The following ATP10B variants were observed in gnomAD, a reference collection of about 807,000 sequenced individuals.
ATP10B encodes phospholipid-transporting ATPase VB.
In ATP10B, 122 loss-of-function variants were observed where a neutral mutation model predicts 141.2. That is an observed-to-expected ratio of 0.86 (90% CI 0.75 to 1.00). The LOEUF (loss-of-function observed/expected upper bound fraction) is 1.00. Ranked by LOEUF, ATP10B falls within the 50% of genes least tolerant of loss-of-function variation. ATP10B has a pLI of 0.00. For synonymous variants in ATP10B, 685 were observed against 692.0 expected, an observed-to-expected ratio of 0.99 and a Z score of 0.16; for missense variants, 1,876 against 1,825.3, an observed-to-expected ratio of 1.03 and a Z score of -0.51.
intron 24 of ATP10B, among the ~76,000 whole-genome samples, chr5:160,585,261 C>A (rs1273856519): frequency 6.6e-6 from 1 of 152,196 alleles, no homozygotes; most frequent in Non-Finnish European, 1.5e-5. Context: ...GCAGATCCTA[C>A]AAATTGTAGT....
chr5:160,918,168 G>A, the ATP10B span, among the ~76,000 whole-genome samples: 1 of 152,348 alleles, frequency 6.6e-6, no homozygotes, highest in African/African-American at 2.4e-5. Flanking sequence ...CAGACACTAT[G>A]TTAGGTGCTA....
intron 1 of ATP10B, among the ~76,000 whole-genome samples, chr5:160,819,256 C>T (rs1461052165): frequency 1.3e-5 from 2 of 152,082 alleles, no homozygotes; most frequent in African/African-American, 2.4e-5. Context: ...ATCTTACAGG[C>T]CAGGAGAGCA....
chr5:160,901,875 T>A, the ATP10B span, among the ~76,000 whole-genome samples: 1 of 152,222 alleles, frequency 6.6e-6, no homozygotes, highest in Non-Finnish European at 1.5e-5. Context: ...AAGCACCATG[T>A]CTTATAGATG....
At chr5:160,675,879 G>C (rs1255992366) in intron 6 of ATP10B, among the ~76,000 whole-genome samples, 1 of 145,230 alleles carries the variant, frequency 6.9e-6, no homozygotes, top group Non-Finnish European at 1.5e-5. Context: ...GGGTGGGGGA[G>C]GGGGGGCGAC....
intron 18 of ATP10B, among the ~76,000 whole-genome samples, chr5:160,608,332 A>G (rs1382902636): frequency 6.6e-6 from 1 of 152,126 alleles, no homozygotes; most frequent in Non-Finnish European, 1.5e-5. Context: ...TCTATCATTG[A>G]TGGACATTTG....
At chr5:160,675,879 G>A (rs1255992366) in intron 6 of ATP10B, among the ~76,000 whole-genome samples, 1 of 145,230 alleles carries the variant, frequency 6.9e-6, no homozygotes, top group Non-Finnish European at 1.5e-5. Flanking sequence ...GGGTGGGGGA[G>A]GGGGGGCGAC....
intron 1 of ATP10B, among the ~76,000 whole-genome samples, chr5:160,814,426 G>A (rs1257114520): frequency 6.6e-6 from 1 of 152,118 alleles, no homozygotes; most frequent in South Asian, 2.1e-4. Flanking sequence ...GAGAAGAGAA[G>A]TTTAGAGAAA....
chr5:160,907,647 C>G, the ATP10B span, among the ~76,000 whole-genome samples: 1 of 152,164 alleles, frequency 6.6e-6, no homozygotes, highest in East Asian at 1.9e-4. Flanking sequence ...AGGCATGAGC[C>G]ACCACTGCAC....
At chr5:160,592,708 C>T (rs1756399938) in intron 22 of ATP10B, among the ~76,000 whole-genome samples, 2 of 152,346 alleles carry the variant, frequency 1.3e-5, no homozygotes, top group Middle Eastern at 3.4e-3. Context: ...GTCACTCCCA[C>T]CCTAATACTG....
chr5:160,592,821 C>A (rs1756411526), intron 22 of ATP10B, among the ~76,000 whole-genome samples: 1 of 152,240 alleles, frequency 6.6e-6, no homozygotes. Flanking sequence ...GCTAGCACAG[C>A]AGTCTGAGAT....
intron 3 of ATP10B, among the ~76,000 whole-genome samples, chr5:160,715,372 G>A (rs1159200365): frequency 2.1e-5 from 3 of 141,370 alleles, no homozygotes; most frequent in African/African-American, 5.3e-5. Flanking sequence ...GGAGTGACCC[G>A]ATTTTCCAGG....
At chr5:160,807,275 A>C (rs1772841599) in intron 1 of ATP10B, among the ~76,000 whole-genome samples, 1 of 152,194 alleles carries the variant, frequency 6.6e-6, no homozygotes, top group African/African-American at 2.4e-5. Context: ...CTATTTGGTG[A>C]GGGGCAAGGA....
intron 18 of ATP10B, among the ~76,000 whole-genome samples, chr5:160,607,714 G>A (rs1006905918): frequency 2.0e-5 from 3 of 152,020 alleles, no homozygotes; most frequent in East Asian, 3.9e-4. Flanking sequence ...AACGGACTAC[G>A]GTTATAAAAG....
intron 22 of ATP10B, among the ~76,000 whole-genome samples, chr5:160,594,060 A>G (rs1561635899): frequency 6.6e-6 from 1 of 152,168 alleles, no homozygotes; most frequent in Non-Finnish European, 1.5e-5. Context: ...AGTCCTCGAG[A>G]AGAGCAACTC....
chr5:160,738,773 A>T (rs2127803861), intron 2 of ATP10B, among the ~76,000 whole-genome samples: 1 of 152,312 alleles, frequency 6.6e-6, no homozygotes, highest in African/African-American at 2.4e-5. Flanking sequence ...AACCAGGCAC[A>T]TAGATGGCTT....
chr5:160,823,078 C>T (rs1481118595), intron 1 of ATP10B, among the ~76,000 whole-genome samples: 3 of 133,522 alleles, frequency 2.2e-5, no homozygotes, highest in Non-Finnish European at 4.7e-5. Context: ...AGGATAAATG[C>T]TGAGGTGATA....
intron 1 of ATP10B, among the ~76,000 whole-genome samples, chr5:160,804,444 G>C (rs867157096): frequency 6.6e-6 from 1 of 152,298 alleles, no homozygotes; most frequent in African/African-American, 2.4e-5. Context: ...CAGCTCCTGT[G>C]CTAGGATCTT....
chr5:160,629,423 G>A (rs1758789807), intron 13 of ATP10B, among the ~76,000 whole-genome samples: 1 of 152,202 alleles, frequency 6.6e-6, no homozygotes, highest in African/African-American at 2.4e-5. Flanking sequence ...TTCCTGGTGG[G>A]GTGATGGCCT....
In ATP10B at chr5:160,573,762, CA is replaced by C. The variant is rs574621232; in HGVS notation, c.3751-4080del. ...AATTGTCTTCTGTGGTCCCTGGTGC[CA>C]AAAAGGTTGGGGACCACTGCTTTAA... On this transcript the variant is annotated intron_variant, in intron 24 of 25. Coordinates refer to ENST00000327245, the MANE Select transcript of ATP10B (RefSeq NM_025153.3). 7.4e-3 allele frequency among the ~76,000 whole-genome samples: 1,122 copies of C among 152,196 alleles called. 19 individuals are homozygous for C. The highest frequency in any genetic ancestry group is 0.024 in the African/African-American group (1,012 of 41,534).
Sources: gnomAD v4.1 joint callset for allele counts (sites outside exome capture counted in the v4.1 genomes callset) on GRCh38, gnomAD v4.1.1 for gene constraint, MANE v1.5 for transcripts, NCBI Gene and HGNC (gene_info 2026-07-23, HGNC 2026-07-21) for gene names.